RNF144A: variants seen among roughly 807,000 people sequenced by gnomAD.
The protein encoded by RNF144A is E3 ubiquitin-protein ligase RNF144A.
A neutral mutation model predicts 38.7 loss-of-function variants in RNF144A; 11 were observed. The observed-to-expected ratio is 0.28, with a 90% CI of 0.18 to 0.47. The LOEUF (loss-of-function observed/expected upper bound fraction) is 0.47. Among genes scored for constraint, RNF144A ranks in the 20% least tolerant of loss-of-function variants. The pLI, the probability that RNF144A is intolerant of heterozygous loss-of-function variation, is 0.99. For synonymous variants in RNF144A, 149 were observed against 143.9 expected (o/e 1.04, Z -0.25); for missense variants, 316 against 377.2 (o/e 0.84, Z 1.34).
chr2:6,940,201 C>G (rs1292362952), intron 1 of RNF144A, among the ~76,000 whole-genome samples: 2 of 152,168 alleles, frequency 1.3e-5, no homozygotes, highest in African/African-American at 2.4e-5. Context: ...TGTCTTCCAT[C>G]CACGAACATG....
intron 6 of RNF144A, among the ~76,000 whole-genome samples, chr2:7,022,419 A>G (rs1671594505): frequency 6.6e-6 from 1 of 152,222 alleles, no homozygotes; most frequent in South Asian, 2.1e-4. Flanking sequence ...TGTTGTTAGT[A>G]ATAATTTTAA....
intron 2 of RNF144A, among the ~76,000 whole-genome samples, chr2:6,995,161 A>G (rs1185437023): frequency 6.6e-6 from 1 of 151,754 alleles, no homozygotes. Context: ...TAGCGCAGTG[A>G]CACCCAGTGA....
intron 2 of RNF144A, among the ~76,000 whole-genome samples, chr2:6,951,997 A>C (rs1315708944): frequency 6.6e-6 from 1 of 152,096 alleles, no homozygotes; most frequent in African/African-American, 2.4e-5. Context: ...TTTTATAGGG[A>C]ATGTTCTAAT....
intron 1 of RNF144A, among the ~76,000 whole-genome samples, chr2:6,923,481 T>C (rs1664670194): frequency 6.6e-6 from 1 of 152,198 alleles, no homozygotes; most frequent in South Asian, 2.1e-4. Context: ...TTTCCAGGGC[T>C]GATCTCAGCA....
At chr2:6,921,876 G>T (rs1034592801) in intron 1 of RNF144A, among the ~76,000 whole-genome samples, 8 of 152,222 alleles carry the variant, frequency 5.3e-5, no homozygotes, top group Non-Finnish European at 8.8e-5. Context: ...GCAAGAAACA[G>T]CCTGGGGTGG....
Position 7,020,465 on chromosome 2 carries a change from T to C in RNF144A, c.302-8T>C. On this transcript the variant is annotated splice_polypyrimidine_tract_variant and splice_region_variant and intron_variant, in intron 5 of 8. Transcript: ENST00000320892. ...GTTTGATTTGTCCATTTTGTCTCAC[T>C]GTACCAGAGGTGCTGTTTGATCCCT... The C allele has an allele frequency of 4.3e-6, 7 of 1,611,568 alleles. No homozygotes were observed. Among genetic ancestry groups the C allele is most frequent in the Non-Finnish European group, 5.9e-6 (7 of 1,178,140 alleles).
chr2:7,012,776 G>A (rs974590309), intron 3 of RNF144A, among the ~76,000 whole-genome samples: 1 of 152,156 alleles, frequency 6.6e-6, no homozygotes, highest in Non-Finnish European at 1.5e-5. Context: ...TGAAAATTCT[G>A]CCATCTGGAG....
intron 2 of RNF144A, among the ~76,000 whole-genome samples, chr2:6,982,490 C>A (rs1000911468): frequency 6.6e-6 from 1 of 152,182 alleles, no homozygotes; most frequent in Non-Finnish European, 1.5e-5. Flanking sequence ...AAGAAAATGA[C>A]AAACTATAGC....
intron 2 of RNF144A, 198 bp from the exon 3 acceptor site, chr2:6,996,718 A>G (rs898293137): frequency 7.0e-6 from 4 of 568,094 alleles, no homozygotes; most frequent in African/African-American, 5.6e-5. Flanking sequence ...GCACCACTGT[A>G]CTCCAACCTG....
At chr2:6,954,182 G>T (rs747769158) in intron 2 of RNF144A, among the ~76,000 whole-genome samples, 2 of 151,578 alleles carry the variant, frequency 1.3e-5, no homozygotes, top group Admixed American at 1.3e-4. Context: ...TATTTTTTAT[G>T]ACTTTAATAT....
At chr2:6,963,859 C>G (rs1379934546) in intron 2 of RNF144A, among the ~76,000 whole-genome samples, 2 of 152,158 alleles carry the variant, frequency 1.3e-5, no homozygotes, top group African/African-American at 4.8e-5. Context: ...GTGGGACACA[C>G]TGTATGCCCA....
downstream of RNF144A, among the ~76,000 whole-genome samples, chr2:7,044,459 G>A (rs56329647): frequency 6.6e-6 from 1 of 152,106 alleles, no homozygotes; most frequent in African/African-American, 2.4e-5. Flanking sequence ...AGCCATTCCT[G>A]GCTCCCTCTT....
intron 2 of RNF144A, among the ~76,000 whole-genome samples, chr2:6,947,495 A>G (rs774878224): frequency 4.6e-5 from 7 of 152,224 alleles, no homozygotes; most frequent in African/African-American, 1.2e-4. Context: ...AAGGAATGCT[A>G]TAAAATTTGT....
In RNF144A at chr2:7,058,847, G is replaced by A. The variant is rs184921423; in HGVS notation, c.735-9369G>A. ...GTTAAACAGTTTTTTTTTCTACAGAGCACCCCACATTTTGCATTTTGCCGA... is the reference window on the plus strand; with the variant it reads ...GTTAAACAGTTTTTTTTTCTACAGAACACCCCACATTTTGCATTTTGCCGA... On this transcript the variant is annotated intron_variant, in intron 6 of 6. Coordinates refer to the RNF144A transcript ENST00000432850. 3.2e-3 allele frequency among the ~76,000 whole-genome samples: 490 copies of A among 152,004 alleles called. 3 individuals are homozygous for A. The highest frequency in any genetic ancestry group is 9.3e-3 in the South Asian group (45 of 4,818).
intron 2 of RNF144A, 200 bp from the exon 3 acceptor site, chr2:6,996,716 G>T (rs2924385): frequency 0.53 from 297,962 of 560,708 alleles, 82,143 homozygotes; most frequent in East Asian, 0.75. Context: ...TTGCACCACT[G>T]TACTCCAACC....
intron 6 of RNF144A, among the ~76,000 whole-genome samples, chr2:7,021,492 C>T (rs2103430739): frequency 6.6e-6 from 1 of 152,298 alleles, no homozygotes; most frequent in South Asian, 2.1e-4. Context: ...CCCCTGGTCT[C>T]CTTCCGGGCG....
chr2:7,065,590 G>C (rs1169598539), intron 6 of RNF144A, among the ~76,000 whole-genome samples: 1 of 152,118 alleles, frequency 6.6e-6, no homozygotes, highest in African/African-American at 2.4e-5. Flanking sequence ...ACTAGAATTT[G>C]GTCTTTTCCA....
At chr2:6,940,222 T>G (rs1665879245) in intron 1 of RNF144A, among the ~76,000 whole-genome samples, 1 of 152,208 alleles carries the variant, frequency 6.6e-6, no homozygotes, top group South Asian at 2.1e-4. Flanking sequence ...GGATGTCTAT[T>G]TTTTAGGGCT....
In RNF144A at chr2:6,998,644, A is replaced by G. The variant is rs557171420; in HGVS notation, c.135+1583A>G. Among the ~76,000 whole-genome samples, 8 of 152,336 alleles carry G rather than the reference A, an allele frequency of 5.3e-5. No homozygotes were observed. In the South Asian group the frequency reaches 1.0e-3, roughly 20 times the overall value. The stretch of plus-strand genomic sequence containing the variant: ...TGTGCCTCATTAAAGCACCAGGAAG[A>G]CAGCTCCAACCTAGAGGAAAGGAAG... On this transcript the variant is annotated intron_variant, in intron 3 of 8. Coordinates refer to ENST00000320892, the MANE Select transcript of RNF144A (RefSeq NM_014746.6).
Sources: allele counts gnomAD v4.1 joint callset (sites outside exome capture counted in the v4.1 genomes callset), GRCh38; gene constraint gnomAD v4.1.1; transcripts MANE v1.5; gene names NCBI Gene and HGNC (gene_info 2026-07-23, HGNC 2026-07-21).